The following EPB41L5 variants were observed in gnomAD, a reference collection of about 807,000 sequenced individuals.
EPB41L5 encodes the protein band 4.1-like protein 5.
EPB41L5 carries 55 observed loss-of-function variants against 106.6 expected under a neutral mutation model. That is an observed-to-expected ratio of 0.52 (90% CI 0.42 to 0.65). EPB41L5 has a LOEUF of 0.65. Among genes scored for constraint, EPB41L5 ranks in the 30% least tolerant of loss-of-function variants. The pLI, the probability that EPB41L5 is intolerant of heterozygous loss-of-function variation, is 0.00. For synonymous variants in EPB41L5, 297 were observed against 306.7 expected, an observed-to-expected ratio of 0.97 and a Z score of 0.33; for missense variants, 871 against 882.1, an observed-to-expected ratio of 0.99 and a Z score of 0.16.
At chr2:120,104,535 C>T (rs1314253639) in intron 16 of EPB41L5, 38 of 1,031,958 alleles carry the variant, frequency 3.7e-5, no homozygotes, top group Non-Finnish European at 4.3e-5. Flanking sequence ...GACTGTATCT[C>T]AGGAGAAGGT....
At chr2:120,047,414 T>C (rs1428543905) in intron 3 of EPB41L5, among the ~76,000 whole-genome samples, 1 of 152,006 alleles carries the variant, frequency 6.6e-6, no homozygotes, top group Non-Finnish European at 1.5e-5. Flanking sequence ...TTTTATTCTC[T>C]TTGAAGCAAT....
At chr2:120,121,226 T>G (rs1177771328) in intron 16 of EPB41L5, among the ~76,000 whole-genome samples, 1 of 152,214 alleles carries the variant, frequency 6.6e-6, no homozygotes, top group African/African-American at 2.4e-5. Context: ...TTATTATACT[T>G]AAGTTCTAGG....
At chr2:120,153,365 C>G (rs1171483911) in intron 20 of EPB41L5, among the ~76,000 whole-genome samples, 2 of 152,000 alleles carry the variant, frequency 1.3e-5, no homozygotes, top group East Asian at 3.9e-4. Context: ...ACTTTAGTCT[C>G]TTTAAATGTA....
intron 3 of EPB41L5, among the ~76,000 whole-genome samples, chr2:120,068,159 A>G (rs1338904929): frequency 1.3e-5 from 2 of 152,244 alleles, no homozygotes; most frequent in African/African-American, 4.8e-5. Context: ...GCATCGCCTC[A>G]TCCGGGAAGC....
Position 120,036,673 on chromosome 2 carries a change from GA to G in EPB41L5, c.181-5330del, listed in dbSNP as rs1679059192. On this transcript the variant is annotated intron_variant, in intron 2 of 24. Transcript: ENST00000263713. ...ATTTTCTAAAAGATATTAACAACAT[GA>G]AACAAGAACAAAAACTTACTTAATA... Among the ~76,000 whole-genome samples the G allele has an allele frequency of 2.6e-5, 4 of 152,084 alleles. No homozygotes were observed. The South Asian group carries it at 6.2e-4, about 24-fold the overall frequency.
At chr2:120,014,919 A>C (rs976008588) in intron 1 of EPB41L5, among the ~76,000 whole-genome samples, 7 of 151,462 alleles carry the variant, frequency 4.6e-5, no homozygotes, top group African/African-American at 1.7e-4. Flanking sequence ...CAATTGGAAG[A>C]GTGCAGGTGG....
intron 20 of EPB41L5, among the ~76,000 whole-genome samples, chr2:120,154,440 C>T (rs978768534): frequency 1.3e-5 from 2 of 151,198 alleles, no homozygotes; most frequent in Non-Finnish European, 2.9e-5. Flanking sequence ...GCTGGGATTA[C>T]AGGCATGAGC....
At chr2:120,071,125 G>C (rs969359304) in intron 3 of EPB41L5, among the ~76,000 whole-genome samples, 1 of 152,212 alleles carries the variant, frequency 6.6e-6, no homozygotes, top group Non-Finnish European at 1.5e-5. Context: ...AAGCTGATAA[G>C]TAACTTCAGC....
chr2:120,042,015 A>C lies in EPB41L5; in HGVS notation c.190A>C (p.Lys64Gln). The C allele has an allele frequency of 6.2e-7, 1 of 1,607,850 alleles. No individual in the cohort carries two copies. The highest frequency in any genetic ancestry group is 8.5e-7 in the Non-Finnish European group (1 of 1,176,900). Residue 64 changes from lysine (K) to glutamine (Q), a missense_variant, in exon 3 of 25, where the codon AAA becomes CAA. Physicochemically the swap from Lys to Gln is moderately conservative, Grantham distance 53. Coordinates refer to ENST00000263713, the MANE Select transcript of EPB41L5 (RefSeq NM_020909.4). ...TATCTTGCCATTTCAGAAAAAAGCCAAAGGACAAGAGTTGTTTGATCAGAT... is the reference window on the plus strand; with the variant it reads ...TATCTTGCCATTTCAGAAAAAAGCCCAAGGACAAGAGTTGTTTGATCAGAT... ...DVSVDLPKKA[K>Q]GQELFDQIMY... is the part of the protein sequence containing the mutation.
At chr2:120,084,643 C>T (rs890122049) in intron 10 of EPB41L5, among the ~76,000 whole-genome samples, 1 of 152,228 alleles carries the variant, frequency 6.6e-6, no homozygotes, top group African/African-American at 2.4e-5. Flanking sequence ...GTGGTGTTCT[C>T]TGTATTTCCT....
At chr2:120,078,232 T>C (rs1271589461) in intron 9 of EPB41L5, among the ~76,000 whole-genome samples, 1 of 152,198 alleles carries the variant, frequency 6.6e-6, no homozygotes, top group Non-Finnish European at 1.5e-5. Flanking sequence ...GCTTTGTTTG[T>C]AGTGGGAGTG....
chr2:120,049,455 G>A (rs1680063349), intron 3 of EPB41L5, among the ~76,000 whole-genome samples: 1 of 152,078 alleles, frequency 6.6e-6, no homozygotes, highest in Admixed American at 6.5e-5. Flanking sequence ...TTAGTTTCAA[G>A]TCTGTTTTAT....
chr2:120,117,904 A>G (rs562116296), intron 16 of EPB41L5, among the ~76,000 whole-genome samples: 111 of 152,144 alleles, frequency 7.3e-4, no homozygotes, highest in African/African-American at 2.7e-3. Flanking sequence ...TACTTTTAAG[A>G]AGCTTTTTTG....
chr2:120,138,878 C>A lies in EPB41L5; in HGVS notation c.1600-4125C>A, dbSNP rs148829999. Among the ~76,000 whole-genome samples, 613 of 151,792 alleles carry A rather than the reference C, an allele frequency of 4.0e-3. 4 individuals are homozygous for A. The highest frequency in any genetic ancestry group is 0.014 in the Middle Eastern group (4 of 294). ...ACAAAAGACTCAGAATAGCCAAAGC[C>A]GTCCTGAGAAGAAAAAACGAAACTT... On this transcript the variant is annotated intron_variant, in intron 18 of 24. Transcript: ENST00000263713.
At chr2:120,059,190 G>C (rs1457746208) in intron 3 of EPB41L5, among the ~76,000 whole-genome samples, 2 of 152,154 alleles carry the variant, frequency 1.3e-5, no homozygotes, top group Non-Finnish European at 2.9e-5. Context: ...TTCAGTGGAA[G>C]AATAGTCTTA....
At position 120,178,810 on chromosome 2, in the gene EPB41L5, T is replaced by C. The variant is rs1688002498; in HGVS notation, c.*3903T>C. On this transcript the variant is annotated 3_prime_UTR_variant, in exon 25 of 25. Transcript: ENST00000263713. Reference sequence around the variant, plus strand: ...TTGCTTGAGATGATCATTCAGTTACTTGTCAGGATTTCTCCTCTTCAGAGA... The same window carrying C: ...TTGCTTGAGATGATCATTCAGTTACCTGTCAGGATTTCTCCTCTTCAGAGA... 6.6e-6 allele frequency: 1 copy of C among 152,224 alleles called. No individual in the cohort carries two copies. Among genetic ancestry groups the C allele is most frequent in the Non-Finnish European group, 1.5e-5 (1 of 68,032 alleles). The allele number at this position is 152,224 out of a possible 1,614,324, so 9.4% of individuals were successfully genotyped here. A position where few individuals can be genotyped will look rare whatever the true frequency, so the allele number is the denominator to read the frequency against.
intron 3 of EPB41L5, among the ~76,000 whole-genome samples, chr2:120,068,019 G>A (rs190434294): frequency 8.5e-5 from 13 of 152,298 alleles, no homozygotes; most frequent in South Asian, 2.1e-4. Context: ...GCTCCGGTCT[G>A]CAGCTGCCAG....
chr2:120,156,429 G>A (rs1016809264), intron 20 of EPB41L5, among the ~76,000 whole-genome samples: 3 of 152,276 alleles, frequency 2.0e-5, no homozygotes, highest in South Asian at 2.1e-4. Flanking sequence ...GCCCCACATC[G>A]CTTTGCTAGC....
intron 3 of EPB41L5, among the ~76,000 whole-genome samples, chr2:120,049,646 G>A (rs1680080604): frequency 6.6e-6 from 1 of 152,240 alleles, no homozygotes; most frequent in East Asian, 1.9e-4. Flanking sequence ...TTTAATTGGA[G>A]CATTTAGCCC....
Sources: allele counts gnomAD v4.1 joint callset (sites outside exome capture counted in the v4.1 genomes callset), GRCh38; gene constraint gnomAD v4.1.1; transcripts MANE v1.5; gene names NCBI Gene and HGNC (gene_info 2026-07-23, HGNC 2026-07-21).